SRRM3: variants seen among roughly 807,000 people sequenced by gnomAD.
SRRM3 encodes the protein serine/arginine repetitive matrix protein 3.
In SRRM3, 27 loss-of-function variants were observed where a neutral mutation model predicts 66.2. The ratio of observed to expected loss-of-function variants is 0.41; its 90% confidence interval spans 0.30 to 0.56. The LOEUF is 0.56. SRRM3 is among the 20% of genes least tolerant of loss of function. The pLI is 0.32. For missense variants in SRRM3, 918 were observed against 991.9 expected, an observed-to-expected ratio of 0.93 and a Z score of 1.00; for synonymous variants, 391 against 414.9, an observed-to-expected ratio of 0.94 and a Z score of 0.70.
At chr7:76,272,410 T>TAAA (rs1554610615) in intron 11 of SRRM3, among the ~76,000 whole-genome samples, 5 of 151,348 alleles carry the variant, frequency 3.3e-5, no homozygotes, top group Non-Finnish European at 7.4e-5. Context: ...AAAAAAAAAT[T>TAAA]TTTTTTAATT....
intron 1 of SRRM3, among the ~76,000 whole-genome samples, chr7:76,211,822 T>C (rs899932478): frequency 1.1e-3 from 133 of 124,452 alleles, no homozygotes; most frequent in African/African-American, 2.9e-3. Context: ...ACTACTATTA[T>C]TATTATTATT....
intron 1 of SRRM3, among the ~76,000 whole-genome samples, chr7:76,234,013 C>A (rs1801078053): frequency 6.6e-6 from 1 of 152,076 alleles, no homozygotes. Context: ...AAGGCCCGAT[C>A]CAAGATGTCC....
intron 3 of SRRM3, among the ~76,000 whole-genome samples, chr7:76,258,734 GA>G (rs1175080456): frequency 4.7e-5 from 5 of 106,596 alleles, no homozygotes; most frequent in African/African-American, 1.8e-4. Context: ...AAAAAAAAAA[GA>G]AAAAGAAAAA....
chr7:76,260,970 C>T lies in SRRM3; in HGVS notation c.575+67C>T. On this transcript the variant is annotated intron_variant, in intron 6 of 14. Coordinates refer to ENST00000611745, the MANE Select transcript of SRRM3 (RefSeq NM_001110199.3). The stretch of plus-strand genomic sequence containing the variant: ...TCTGTGGGTGGGAGAGATTCCAAGG[C>T]CATCCCCCAGAGGCCGGAGGCCTGG... The T allele has an allele frequency of 2.6e-6, 4 of 1,510,210 alleles. No individual in the cohort carries two copies. The South Asian group carries it at 4.8e-5, about 18-fold the overall frequency. 93.6% of individuals were successfully genotyped at this position (1,510,210 alleles called of 1,614,324 possible).
intron 3 of SRRM3, among the ~76,000 whole-genome samples, chr7:76,249,799 C>G (rs1554606680): frequency 6.6e-6 from 1 of 152,114 alleles, no homozygotes; most frequent in African/African-American, 2.4e-5. Context: ...GTAATCTCAG[C>G]TACTTGGGAA....
At chr7:76,272,937 C>T (rs538024866) in intron 11 of SRRM3, 3 of 152,344 alleles carry the variant, frequency 2.0e-5, no homozygotes, top group African/African-American at 7.2e-5. Context: ...TGGGACTGAC[C>T]TGAGGCAGGG....
chr7:76,268,880 C>T (rs1018358900), intron 11 of SRRM3: 1 of 152,366 alleles, frequency 6.6e-6, no homozygotes, highest in African/African-American at 2.4e-5. Flanking sequence ...GGGGCACCCA[C>T]CATCCCCCAC....
At chr7:76,255,751 T>C (rs1312223123) in intron 3 of SRRM3, among the ~76,000 whole-genome samples, 1 of 152,188 alleles carries the variant, frequency 6.6e-6, no homozygotes, top group Non-Finnish European at 1.5e-5. Flanking sequence ...CCCGGCCTGG[T>C]TACATTTTTT....
intron 1 of SRRM3, among the ~76,000 whole-genome samples, chr7:76,222,410 CAAA>C (rs572163883): frequency 2.5e-4 from 21 of 84,386 alleles, no homozygotes; most frequent in East Asian, 3.6e-4. Context: ...GACCCCGTCT[CAAA>C]AAAAAAAAAA....
At chr7:76,245,210 T>C (rs900332849) in intron 2 of SRRM3, among the ~76,000 whole-genome samples, 1 of 152,168 alleles carries the variant, frequency 6.6e-6, no homozygotes, top group Admixed American at 6.6e-5. Flanking sequence ...TCATTTTTTT[T>C]AAAGGCTTTT....
chr7:76,206,912 C>T (rs1554601226), intron 1 of SRRM3, among the ~76,000 whole-genome samples: 2 of 152,180 alleles, frequency 1.3e-5, no homozygotes, highest in Non-Finnish European at 2.9e-5. Context: ...CCTGCCAGGG[C>T]CTCTGAGGGC....
intron 1 of SRRM3, among the ~76,000 whole-genome samples, chr7:76,204,491 G>A (rs1554600943): frequency 6.6e-6 from 1 of 152,186 alleles, no homozygotes; most frequent in East Asian, 1.9e-4. Context: ...CAAAGTCACA[G>A]AGCAAGGTCT....
chr7:76,254,260 A>C (rs574981099), intron 3 of SRRM3, among the ~76,000 whole-genome samples: 1 of 150,550 alleles, frequency 6.6e-6, no homozygotes. Context: ...ATCTCAAGTG[A>C]TACTCCCACT....
chr7:76,209,797 G>A (rs1466564324), intron 1 of SRRM3, among the ~76,000 whole-genome samples: 1 of 151,938 alleles, frequency 6.6e-6, no homozygotes, highest in African/African-American at 2.4e-5. Flanking sequence ...TTAGAGATGG[G>A]GTTTTGCTAT....
intron 5 of SRRM3, 111 bp from the exon 6 acceptor site, chr7:76,260,763 C>T (rs1583920020): frequency 4.6e-6 from 5 of 1,080,258 alleles, no homozygotes; most frequent in Non-Finnish European, 6.8e-6. Context: ...CTGCCATCCC[C>T]GAATCTCTCT....
chr7:76,242,280 T>A (rs1407142727), intron 2 of SRRM3, among the ~76,000 whole-genome samples: 1 of 151,938 alleles, frequency 6.6e-6, no homozygotes, highest in African/African-American at 2.4e-5. Context: ...AGGTCGGGAG[T>A]TCGAGACCAG....
chr7:76,233,120 T>C (rs1182290105), intron 1 of SRRM3, among the ~76,000 whole-genome samples: 1 of 152,012 alleles, frequency 6.6e-6, no homozygotes, highest in Non-Finnish European at 1.5e-5. Context: ...CTGGGCAAAA[T>C]AACAAGAACG....
rs892946342 is a variant in SRRM3 at position 76,285,311 on chromosome 7, G to A, written c.1734-304G>A. On this transcript the variant is annotated intron_variant, in intron 14 of 14. Coordinates refer to ENST00000611745, the MANE Select transcript of SRRM3 (RefSeq NM_001110199.3). The surrounding 1 kb of genome is among the most constrained non-coding windows in gnomAD (Gnocchi z 4.1). ...ACTTCTGACCTCAAGTGATCCGCCC[G>A]CCTCAGCCTCCCAAAGTGCTGGGAT... is the stretch of plus-strand genomic sequence containing the variant. 11 of 356,566 alleles carry A rather than the reference G, an allele frequency of 3.1e-5. No individual in the cohort carries two copies. Among genetic ancestry groups the A allele is most frequent in the African/African-American group, 8.4e-5 (4 of 47,340 alleles). 22.1% of individuals were successfully genotyped at this position (356,566 alleles called of 1,614,324 possible).
chr7:76,217,068 G>A (rs533545047), intron 1 of SRRM3, among the ~76,000 whole-genome samples: 2 of 152,278 alleles, frequency 1.3e-5, no homozygotes, highest in African/African-American at 2.4e-5. Flanking sequence ...GGAAGGGGCC[G>A]GACTGTCTGT....
Sources: allele counts gnomAD v4.1 joint callset (sites outside exome capture counted in the v4.1 genomes callset), GRCh38; gene constraint gnomAD v4.1.1; non-coding constraint Gnocchi (gnomAD v3.1); transcripts MANE v1.5; gene names NCBI Gene and HGNC (gene_info 2026-07-23, HGNC 2026-07-21).